Variants in CDH13 observed in about 807,000 individuals in gnomAD.
The protein encoded by CDH13 is cadherin 13.
In CDH13, 24 loss-of-function variants were observed where a neutral mutation model predicts 63.8. The ratio of observed to expected loss-of-function variants is 0.38; its 90% confidence interval spans 0.27 to 0.53. The LOEUF (loss-of-function observed/expected upper bound fraction) is 0.53, where lower values mean the gene tolerates loss of function less well. Ranked by LOEUF, CDH13 falls within the 20% of genes least tolerant of loss-of-function variation. CDH13 has a pLI of 0.85. For missense variants in CDH13, 1,049 were observed against 903.1 expected (o/e 1.16, Z -2.07); for synonymous variants, 503 against 355.3 (o/e 1.42, Z -4.67).
intron 1 of CDH13, among the ~76,000 whole-genome samples, chr16:82,848,361 C>G (rs750186455): frequency 6.6e-6 from 1 of 152,164 alleles, no homozygotes; most frequent in Non-Finnish European, 1.5e-5. Flanking sequence ...TTGGGTATGA[C>G]AAGAATAACC....
chr16:83,702,493 G>C (rs1221197654), intron 10 of CDH13, among the ~76,000 whole-genome samples: 1 of 151,824 alleles, frequency 6.6e-6, no homozygotes, highest in African/African-American at 2.4e-5. Context: ...GGGTCTTGCA[G>C]GGGGTTTGCA....
intron 1 of CDH13, among the ~76,000 whole-genome samples, chr16:82,792,394 C>A (rs1410443784): frequency 1.3e-5 from 2 of 152,062 alleles, no homozygotes. Flanking sequence ...CGTCATATAT[C>A]CCTCTTAGCA....
rs187741711 is a variant in CDH13, at chr16:82,913,027, C to G, written c.157+54554C>G. 1.8e-3 allele frequency among the ~76,000 whole-genome samples: 269 copies of G among 151,604 alleles called. 1 individual carries two copies. Among genetic ancestry groups the G allele is most frequent in the African/African-American group, 6.2e-3 (257 of 41,298 alleles). On this transcript the variant is annotated intron_variant, in intron 2 of 13. Coordinates refer to ENST00000567109, the MANE Select transcript of CDH13 (RefSeq NM_001257.5). ...TACATGGTAAAATCTGAATTTAGGC[C>G]TAATTCAAAATCCATGAGATTGGGA...
At chr16:83,225,365 A>C (rs2039809063) in intron 5 of CDH13, among the ~76,000 whole-genome samples, 1 of 151,528 alleles carries the variant, frequency 6.6e-6, no homozygotes, top group Admixed American at 6.6e-5. Flanking sequence ...TCCAATTCCA[A>C]CTCTTCCAAA....
chr16:82,687,200 G>A (rs1597323892), intron 1 of CDH13, among the ~76,000 whole-genome samples: 1 of 152,198 alleles, frequency 6.6e-6, no homozygotes, highest in East Asian at 1.9e-4. Context: ...GGAAAGGTCA[G>A]TGCCTGTGAA....
intron 1 of CDH13, among the ~76,000 whole-genome samples, chr16:82,663,186 T>G (rs1567602224): frequency 6.6e-6 from 1 of 152,100 alleles, no homozygotes; most frequent in African/African-American, 2.4e-5. Context: ...GTTTTTTGTT[T>G]GTTTGTTTGT....
chr16:83,370,028 C>G (rs142857786), intron 6 of CDH13, among the ~76,000 whole-genome samples: 20 of 152,334 alleles, frequency 1.3e-4, no homozygotes, highest in African/African-American at 4.6e-4. Flanking sequence ...ACTTGGATCT[C>G]TCTGCCCGTA....
At chr16:82,707,465 T>C (rs1169784349) in intron 1 of CDH13, among the ~76,000 whole-genome samples, 2 of 152,080 alleles carry the variant, frequency 1.3e-5, no homozygotes, top group Non-Finnish European at 2.9e-5. Context: ...CACGGAGAGA[T>C]GATAGGGTGC....
chr16:83,694,370 A>G (rs187954243), intron 10 of CDH13, among the ~76,000 whole-genome samples: 14 of 152,308 alleles, frequency 9.2e-5, no homozygotes, highest in Admixed American at 9.1e-4. Context: ...CCTCCCACCA[A>G]CACTGCACAA....
intron 1 of CDH13, chr16:82,825,310 A>G (rs1261198611): frequency 6.6e-6 from 1 of 152,116 alleles, no homozygotes; most frequent in African/African-American, 2.4e-5. Flanking sequence ...ACCCTCCCTG[A>G]CTTTGTTTTC....
rs904867126 is a variant in CDH13 at position 83,796,765 on chromosome 16, C to T, written c.*1735C>T. On this transcript the variant is annotated 3_prime_UTR_variant, in exon 14 of 14. Transcript: ENST00000567109. ...CAGAAGTACCAGTTCTCAGCATGGG[C>T]CATGGACTCATCTTGTCCACCTCAT... The T allele has an allele frequency of 1.3e-5, 2 of 152,118 alleles. No individual in the cohort carries two copies. The highest frequency in any genetic ancestry group is 2.9e-5 in the Non-Finnish European group (2 of 68,028). The allele number at this position is 152,118 out of a possible 1,614,324, so 9.4% of individuals were successfully genotyped here. A position where few individuals can be genotyped will look rare whatever the true frequency, so the allele number is the denominator to read the frequency against.
intron 8 of CDH13, among the ~76,000 whole-genome samples, chr16:83,664,012 A>T (rs1913697276): frequency 6.6e-6 from 1 of 151,930 alleles, no homozygotes; most frequent in Non-Finnish European, 1.5e-5. Context: ...AAAAAAAAAA[A>T]ATTTAAATTA....
chr16:82,809,795 C>A (rs575503633), intron 1 of CDH13, among the ~76,000 whole-genome samples: 3 of 152,062 alleles, frequency 2.0e-5, no homozygotes, highest in Admixed American at 6.6e-5. Flanking sequence ...GCTAACAAGT[C>A]CCCTGATTTA....
At chr16:83,297,355 T>C (rs1033359457) in intron 5 of CDH13, among the ~76,000 whole-genome samples, 1 of 152,140 alleles carries the variant, frequency 6.6e-6, no homozygotes, top group Admixed American at 6.5e-5. Context: ...AAATTATTAA[T>C]ACAATAATTG....
chr16:82,943,383 C>G (rs185220040), intron 2 of CDH13, among the ~76,000 whole-genome samples: 1 of 152,258 alleles, frequency 6.6e-6, no homozygotes, highest in Non-Finnish European at 1.5e-5. Context: ...GGCAAAATGA[C>G]TGAAATCCCA....
At chr16:82,659,603 T>G (rs1215942771) in intron 1 of CDH13, among the ~76,000 whole-genome samples, 3 of 151,904 alleles carry the variant, frequency 2.0e-5, no homozygotes, top group Non-Finnish European at 4.4e-5. Flanking sequence ...TCATAAAGAA[T>G]CCCCCCAAAA....
intron 2 of CDH13, among the ~76,000 whole-genome samples, chr16:83,026,163 G>A (rs552679942): frequency 1.3e-5 from 2 of 152,210 alleles, no homozygotes; most frequent in South Asian, 2.1e-4. Context: ...GTTGTTCTCA[G>A]TGTGACCTCA....
chr16:83,258,969 T>C (rs368986461), intron 5 of CDH13, among the ~76,000 whole-genome samples: 2 of 152,180 alleles, frequency 1.3e-5, no homozygotes, highest in East Asian at 1.9e-4. Context: ...ACAAAAGGAA[T>C]TGGAAAAGAT....
chr16:83,262,872 G>A (rs1009226589), intron 5 of CDH13, among the ~76,000 whole-genome samples: 1 of 152,150 alleles, frequency 6.6e-6, no homozygotes, highest in Non-Finnish European at 1.5e-5. Flanking sequence ...CACCAATTGA[G>A]TAAGAATTTG....
Sources: gnomAD v4.1 joint callset for allele counts (sites outside exome capture counted in the v4.1 genomes callset) on GRCh38, gnomAD v4.1.1 for gene constraint, MANE v1.5 for transcripts, NCBI Gene and HGNC (gene_info 2026-07-23, HGNC 2026-07-21) for gene names.